Variants in DPYD observed in about 807,000 individuals in gnomAD.
The protein encoded by DPYD is dihydropyrimidine dehydrogenase [NADP(+)].
Under a neutral mutation model 116.2 loss-of-function variants are expected in DPYD, and 109 were observed. That is an observed-to-expected ratio of 0.94 (90% confidence interval 0.80 to 1.10). The LOEUF (loss-of-function observed/expected upper bound fraction) is 1.10. DPYD is among the 50% of genes least tolerant of loss of function. The pLI is 0.00. For synonymous variants in DPYD, 440 were observed against 432.0 expected (o/e 1.02, Z -0.23); for missense variants, 1,302 against 1,254.5 (o/e 1.04, Z -0.57).
intron 13 of DPYD, among the ~76,000 whole-genome samples, chr1:97,471,513 G>A (rs74105234): frequency 0.21 from 32,387 of 151,722 alleles, 3,734 homozygotes; most frequent in Middle Eastern, 0.33. Flanking sequence ...AAAACACCAT[G>A]GAGCTTATAT....
At chr1:97,549,771 A>T (rs1466072157) in intron 11 of DPYD, 27 bp from the exon 12 acceptor site, 3 of 1,583,644 alleles carry the variant, frequency 1.9e-6, no homozygotes, top group Admixed American at 1.7e-5. Context: ...AAAACAATAG[A>T]CAATCACTAG....
chr1:97,335,880 C>G (rs74104368), intron 16 of DPYD, among the ~76,000 whole-genome samples: 8,158 of 152,152 alleles, frequency 0.054, 715 homozygotes, highest in African/African-American at 0.18. Context: ...CCCCCTCCAT[C>G]CCAGTGTTTC....
intron 10 of DPYD, among the ~76,000 whole-genome samples, chr1:97,578,736 T>A (rs1254188936): frequency 6.6e-6 from 1 of 152,142 alleles, no homozygotes; most frequent in Admixed American, 6.5e-5. Context: ...TGGCTAGACA[T>A]AGTTCCCTTT....
chr1:97,192,887 G>A (rs139359364), intron 20 of DPYD, among the ~76,000 whole-genome samples, 182 bp downstream of exon 20: 1 of 152,122 alleles, frequency 6.6e-6, no homozygotes, highest in Non-Finnish European at 1.5e-5. Context: ...TTATAAAAAG[G>A]TAACTCACAG....
chr1:97,714,564 A>T (rs1372057708), intron 5 of DPYD, among the ~76,000 whole-genome samples: 2 of 151,520 alleles, frequency 1.3e-5, no homozygotes, highest in Non-Finnish European at 2.9e-5. Flanking sequence ...GCTGTAATGT[A>T]ATTTCTAAAG....
At chr1:97,620,874 CTTTA>C (rs988725028) in intron 8 of DPYD, among the ~76,000 whole-genome samples, 6 of 152,006 alleles carry the variant, frequency 3.9e-5, no homozygotes, top group South Asian at 2.1e-4. Flanking sequence ...TGGATTACAG[CTTTA>C]TTTAACAATT....
chr1:97,098,444 T>C (rs751998381), intron 21 of DPYD, 45 bp downstream of exon 21: 1 of 1,592,766 alleles, frequency 6.3e-7, no homozygotes, highest in South Asian at 1.1e-5. Context: ...TTTGTATATT[T>C]AACCAGTAAA....
chr1:97,332,959 A>G (rs1275072387), intron 16 of DPYD, among the ~76,000 whole-genome samples: 1 of 152,156 alleles, frequency 6.6e-6, no homozygotes, highest in East Asian at 1.9e-4. Context: ...GAGCTTTTCC[A>G]GCTAGCCCCT....
intron 8 of DPYD, among the ~76,000 whole-genome samples, chr1:97,673,872 T>C (rs114254635): frequency 0.017 from 2,643 of 152,140 alleles, 83 homozygotes; most frequent in African/African-American, 0.061. Context: ...TAGCTCTAGG[T>C]CCATGTCCAA....
intron 13 of DPYD, among the ~76,000 whole-genome samples, chr1:97,457,691 C>T (rs1173916410): frequency 6.6e-6 from 1 of 152,146 alleles, no homozygotes; most frequent in Non-Finnish European, 1.5e-5. Context: ...CTGGCTTTAA[C>T]TAGTTCACGG....
At chr1:97,892,459 C>T (rs1429033356) in intron 1 of DPYD, among the ~76,000 whole-genome samples, 1 of 151,664 alleles carries the variant, frequency 6.6e-6, no homozygotes, top group Non-Finnish European at 1.5e-5. Flanking sequence ...CTTGAATAAG[C>T]TCAGAACTGA....
intron 2 of DPYD, among the ~76,000 whole-genome samples, chr1:97,865,525 T>G (rs1172942400): frequency 6.6e-6 from 1 of 151,962 alleles, no homozygotes; most frequent in East Asian, 1.9e-4. Context: ...GTTCTGTTCC[T>G]TCAAGCCATC....
chr1:97,169,326 G>A (rs1214692417), intron 20 of DPYD, among the ~76,000 whole-genome samples: 5 of 152,040 alleles, frequency 3.3e-5, no homozygotes, highest in East Asian at 1.9e-4. Flanking sequence ...AATATTTACT[G>A]ATGATATCAG....
chr1:97,408,936 C>T (rs937372933), intron 14 of DPYD, among the ~76,000 whole-genome samples: 1 of 152,126 alleles, frequency 6.6e-6, no homozygotes, highest in African/African-American at 2.4e-5. Context: ...GCTCTTGGGC[C>T]TTCATCCACA....
chr1:97,331,437 G>C (rs1206162859), intron 16 of DPYD, among the ~76,000 whole-genome samples: 1 of 152,144 alleles, frequency 6.6e-6, no homozygotes, highest in Non-Finnish European at 1.5e-5. Context: ...CTATGGCTGT[G>C]CGACTGTACT....
At chr1:97,856,660 T>A (rs1285275596) in intron 2 of DPYD, 1 of 152,230 alleles carries the variant, frequency 6.6e-6, no homozygotes, top group Non-Finnish European at 1.5e-5. Context: ...GCTAACCAGA[T>A]CTCTGATGAA....
At chr1:97,223,420 A>ACACAAAC in intron 19 of DPYD, among the ~76,000 whole-genome samples, 1 of 114,426 alleles carries the variant, frequency 8.7e-6, no homozygotes, top group East Asian at 4.0e-4. Flanking sequence ...CACACACACA[A>ACACAAAC]ACACACACAC....
chr1:97,436,429 T>C (rs1675476175), intron 14 of DPYD, among the ~76,000 whole-genome samples: 1 of 151,994 alleles, frequency 6.6e-6, no homozygotes, highest in South Asian at 2.1e-4. Flanking sequence ...AGCTAGTTTA[T>C]ACCATGAAAG....
intron 2 of DPYD, among the ~76,000 whole-genome samples, chr1:97,852,259 G>A (rs1420206185): frequency 6.6e-6 from 1 of 152,054 alleles, no homozygotes; most frequent in East Asian, 1.9e-4. Flanking sequence ...AATCATACCT[G>A]ATTAGTGCTA....
Sources: allele counts gnomAD v4.1 joint callset (sites outside exome capture counted in the v4.1 genomes callset), GRCh38; gene constraint gnomAD v4.1.1; transcripts MANE v1.5; gene names NCBI Gene and HGNC (gene_info 2026-07-23, HGNC 2026-07-21).